Variants in DMD observed in about 807,000 individuals in gnomAD.
DMD encodes dystrophin.
A neutral mutation model predicts 330.1 loss-of-function variants in DMD; 63 were observed. That is an observed-to-expected ratio of 0.19 (90% CI 0.16 to 0.24). The LOEUF (loss-of-function observed/expected upper bound fraction) is 0.24, where lower values mean the gene tolerates loss of function less well. Ranked by LOEUF, DMD falls within the 10% of genes least tolerant of loss-of-function variation. The probability of loss-of-function intolerance (pLI) is 1.00; values close to 1 mark genes in which losing one functional copy is unlikely to be tolerated. For synonymous variants in DMD, 1,223 were observed against 959.8 expected (o/e 1.27, Z -5.07); for missense variants, 3,344 against 2,684.1 (o/e 1.25, Z -5.43).
intron 7 of DMD, among the ~76,000 whole-genome samples, chrX:32,736,497 C>A (rs1333296480): frequency 9.1e-6 from 1 of 110,279 alleles, no homozygotes; most frequent in Admixed American, 9.6e-5. Flanking sequence ...TTCACGATAG[C>A]AAAGACTTGG....
At chrX:32,280,465 T>C (rs1043086858) in intron 43 of DMD, among the ~76,000 whole-genome samples, 8 of 110,817 alleles carry the variant, frequency 7.2e-5, no homozygotes, top group South Asian at 7.6e-4. Context: ...TATTTTGTAT[T>C]GGCACATATA....
At chrX:32,841,098 T>G (rs977218386) in intron 4 of DMD, among the ~76,000 whole-genome samples, 1 of 111,852 alleles carries the variant, frequency 8.9e-6, no homozygotes, top group Non-Finnish European at 1.9e-5. Flanking sequence ...AATTTTGTAC[T>G]GGTATCTCAT....
At chrX:33,285,300 C>T (rs977129726) in intron 1 of DMD, among the ~76,000 whole-genome samples, 6 of 94,075 alleles carry the variant, frequency 6.4e-5, no homozygotes, top group Admixed American at 3.4e-4. Flanking sequence ...AAGTTTAATA[C>T]GAATTCATTT....
chrX:31,924,082 T>C lies in DMD; in HGVS notation c.6912+5514A>G, dbSNP rs187859874. 2.7e-5 allele frequency among the ~76,000 whole-genome samples: 3 copies of C among 111,902 alleles called. No homozygotes were observed. In the East Asian group the frequency reaches 8.4e-4, roughly 31 times the overall value. ...CTATAATGATTATTATACTTCCTAC[T>C]ATATATTTTACAGCATTTTTTTTTC... On this transcript the variant is annotated intron_variant, in intron 47 of 78. Transcript: ENST00000357033.
chrX:32,743,107 G>A (rs181050398), intron 7 of DMD, among the ~76,000 whole-genome samples: 51 of 111,279 alleles, frequency 4.6e-4, no homozygotes, highest in Non-Finnish European at 8.1e-4. Flanking sequence ...CTGTTCTTCC[G>A]GAGTGCATGC....
chrX:32,777,512 G>A (rs1320348098), intron 7 of DMD, among the ~76,000 whole-genome samples: 1 of 110,225 alleles, frequency 9.1e-6, no homozygotes, highest in Non-Finnish European at 1.9e-5. Flanking sequence ...TATTATTTCA[G>A]TCATTGGGGA....
intron 43 of DMD, among the ~76,000 whole-genome samples, chrX:32,232,602 A>C (rs1199221478): frequency 8.9e-6 from 1 of 112,096 alleles, no homozygotes; most frequent in Non-Finnish European, 1.9e-5. Flanking sequence ...ATGAGTAAAT[A>C]TCATCACAAA....
At chrX:32,739,432 C>G (rs2068947887) in intron 7 of DMD, among the ~76,000 whole-genome samples, 1 of 111,650 alleles carries the variant, frequency 9.0e-6, no homozygotes, top group South Asian at 3.7e-4. Flanking sequence ...GAGAAAAACA[C>G]AAGTGTAAGA....
chrX:33,224,789 A>C (rs2066399291), intron 1 of DMD, among the ~76,000 whole-genome samples: 1 of 111,433 alleles, frequency 9.0e-6, no homozygotes, highest in South Asian at 3.7e-4. Flanking sequence ...GAGAGTTATT[A>C]ATAATGACAG....
intron 17 of DMD, among the ~76,000 whole-genome samples, chrX:32,523,795 G>A (rs767685534): frequency 1.8e-5 from 2 of 111,319 alleles, no homozygotes; most frequent in East Asian, 5.7e-4. Flanking sequence ...GGAAGGAAAG[G>A]GATCACAGCC....
chrX:31,954,444 A>G (rs1322549668), intron 45 of DMD, among the ~76,000 whole-genome samples: 2 of 111,483 alleles, frequency 1.8e-5, no homozygotes, highest in Non-Finnish European at 3.8e-5. Context: ...CCTTTTACAC[A>G]ATCGTCATTT....
At chrX:31,309,799 T>G (rs2055331158) in intron 62 of DMD, among the ~76,000 whole-genome samples, 1 of 112,108 alleles carries the variant, frequency 8.9e-6, no homozygotes, top group Non-Finnish European at 1.9e-5. Context: ...ACAGAAACAT[T>G]GAAAGGAAAT....
At chrX:32,619,228 T>A (rs2057810029) in intron 11 of DMD, among the ~76,000 whole-genome samples, 1 of 111,665 alleles carries the variant, frequency 9.0e-6, no homozygotes. Flanking sequence ...AACCACTGCC[T>A]AATTTCACTT....
intron 1 of DMD, among the ~76,000 whole-genome samples, chrX:33,135,070 T>A (rs772610660): frequency 1.3e-4 from 15 of 112,311 alleles, no homozygotes; most frequent in Non-Finnish European, 2.8e-4. Context: ...GTCATTCTTA[T>A]AACCCCAACT....
Position 31,774,136 on chromosome X carries a change from T to A in DMD, c.7366A>T (p.Ile2456Phe). 8.3e-7 allele frequency: 1 copy of A among 1,210,974 alleles called. No homozygotes were observed. The highest frequency in any genetic ancestry group is 1.1e-6 in the Non-Finnish European group (1 of 895,036). The change falls in exon 51 of 79, where the codon ATC becomes TTC. Residue 2456 changes from isoleucine to phenylalanine, a missense_variant. Physicochemically the swap from Ile to Phe is conservative, Grantham distance 21. Coordinates refer to ENST00000357033, the MANE Select transcript of DMD (RefSeq NM_004006.3). Reference protein sequence around the residue: ...TQPVVTKETAISKLEMPSSLM... With the variant: ...TQPVVTKETAFSKLEMPSSLM... ...GAAGATGGCATTTCTAGTTTGGAGA[T>A]GGCAGTTTCCTTAGTAACCACAGGT...
chrX:31,506,067 G>A (rs2070914811), intron 56 of DMD, among the ~76,000 whole-genome samples: 1 of 111,908 alleles, frequency 8.9e-6, no homozygotes. Context: ...TAGGGTTGCT[G>A]AGAGCATTAA....
chrX:32,843,856 G>A (rs2080389995), intron 4 of DMD, among the ~76,000 whole-genome samples: 2 of 111,514 alleles, frequency 1.8e-5, no homozygotes, highest in Non-Finnish European at 3.8e-5. Context: ...CTGCCTACTT[G>A]GTTTAGCTGT....
intron 62 of DMD, among the ~76,000 whole-genome samples, chrX:31,306,008 T>C (rs941332353): frequency 4.5e-5 from 5 of 112,211 alleles, no homozygotes; most frequent in African/African-American, 1.6e-4. Context: ...TGTTTGAAAT[T>C]GTATATATTT....
intron 22 of DMD, among the ~76,000 whole-genome samples, chrX:32,470,696 A>G (rs1407162467): frequency 9.0e-6 from 1 of 111,634 alleles, no homozygotes; most frequent in East Asian, 2.8e-4. Context: ...CCACAACAAA[A>G]GGAAACAAAA....
Sources: allele counts gnomAD v4.1 joint callset (sites outside exome capture counted in the v4.1 genomes callset), GRCh38; gene constraint gnomAD v4.1.1; transcripts MANE v1.5; gene names NCBI Gene and HGNC (gene_info 2026-07-23, HGNC 2026-07-21).